RSRC1: variants seen among roughly 807,000 people sequenced by gnomAD.
RSRC1 encodes arginine and serine rich coiled-coil 1.
RSRC1 carries 39 observed loss-of-function variants against 49.1 expected under a neutral mutation model. The ratio of observed to expected loss-of-function variants is 0.79; its 90% CI spans 0.61 to 1.04. The LOEUF (loss-of-function observed/expected upper bound fraction) is 1.04. Among genes scored for constraint, RSRC1 ranks in the 50% least tolerant of loss-of-function variants. The pLI is 0.00. For synonymous variants in RSRC1, 143 were observed against 130.8 expected, an observed-to-expected ratio of 1.09 and a Z score of -0.63; for missense variants, 388 against 402.4, an observed-to-expected ratio of 0.96 and a Z score of 0.31.
intron 6 of RSRC1, among the ~76,000 whole-genome samples, chr3:158,356,171 G>A (rs984411814): frequency 1.3e-5 from 2 of 151,892 alleles, no homozygotes; most frequent in African/African-American, 4.8e-5. Flanking sequence ...GGGGACTACT[G>A]TATATATTTC....
intron 6 of RSRC1, among the ~76,000 whole-genome samples, chr3:158,448,081 A>G (rs1212240304): frequency 6.6e-6 from 1 of 151,918 alleles, no homozygotes; most frequent in Non-Finnish European, 1.5e-5. Context: ...TTTTTCTAAA[A>G]TGCTGAAACA....
intron 6 of RSRC1, among the ~76,000 whole-genome samples, chr3:158,391,017 C>T (rs550432580): frequency 1.1e-4 from 16 of 152,090 alleles, no homozygotes; most frequent in South Asian, 4.1e-4. Flanking sequence ...ATAACAGTTG[C>T]GTATCTGCTT....
chr3:158,367,073 A>G (rs951687972), intron 6 of RSRC1, among the ~76,000 whole-genome samples: 9 of 152,280 alleles, frequency 5.9e-5, no homozygotes, highest in Admixed American at 4.6e-4. Flanking sequence ...TATATATACA[A>G]TCATGTCATC....
intron 5 of RSRC1, among the ~76,000 whole-genome samples, chr3:158,318,162 A>G (rs1728572605): frequency 6.6e-6 from 1 of 152,116 alleles, no homozygotes; most frequent in Non-Finnish European, 1.5e-5. Flanking sequence ...CAAAAAATTG[A>G]CAACCCCTGC....
chr3:158,127,333 A>G (rs998103517), intron 3 of RSRC1, among the ~76,000 whole-genome samples: 2 of 152,018 alleles, frequency 1.3e-5, no homozygotes, highest in African/African-American at 2.4e-5. Flanking sequence ...ATGATGTCTT[A>G]TAGTCCCTTA....
chr3:158,163,913 GA>G (rs555728083), intron 3 of RSRC1, among the ~76,000 whole-genome samples: 54 of 152,146 alleles, frequency 3.5e-4, no homozygotes, highest in Non-Finnish European at 6.2e-4. Context: ...ATGAATGAAT[GA>G]ATGTTGCTAT....
intron 4 of RSRC1, among the ~76,000 whole-genome samples, chr3:158,236,490 G>A (rs1346217350): frequency 1.3e-5 from 2 of 152,282 alleles, no homozygotes; most frequent in East Asian, 1.9e-4. Context: ...CCAGCATCCA[G>A]AAGCAACAAC....
At chr3:158,303,261 T>C (rs73031638) in intron 5 of RSRC1, 2 of 152,330 alleles carry the variant, frequency 1.3e-5, no homozygotes, top group African/African-American at 2.4e-5. Flanking sequence ...GAAAAATTAC[T>C]TTTTTAGGTC....
chr3:158,180,961 C>T (rs555138087), intron 3 of RSRC1, among the ~76,000 whole-genome samples: 41 of 151,924 alleles, frequency 2.7e-4, no homozygotes, highest in Non-Finnish European at 3.4e-4. Flanking sequence ...CCCACCACCA[C>T]GCCCGGCTAA....
intron 3 of RSRC1, among the ~76,000 whole-genome samples, chr3:158,151,801 A>T (rs1481150916): frequency 2.0e-5 from 3 of 152,000 alleles, no homozygotes; most frequent in Non-Finnish European, 4.4e-5. Flanking sequence ...TAAATACTGT[A>T]CAGTAAATAC....
At chr3:158,349,496 A>G (rs1205889675) in intron 5 of RSRC1, among the ~76,000 whole-genome samples, 2 of 152,050 alleles carry the variant, frequency 1.3e-5, no homozygotes, top group East Asian at 3.9e-4. Flanking sequence ...TGCTCCCACC[A>G]AATAATTATT....
Position 158,544,210 on chromosome 3 carries a change from G to A in RSRC1, c.940G>A (p.Glu314Lys). The change falls in exon 10 of 10, where the codon GAA becomes AAA. Residue 314 changes from glutamate (E) to lysine (K), a missense_variant. Glu to Lys is a moderately conservative substitution (Grantham distance 56). Transcript: ENST00000611884. ...NLFIEKADAE[E>K]KWFKRLIALR... ...ATTTATCGAGAAAGCTGATGCTGAGGAAAAATGGTTCAAGAGATTAATTGC... is the reference window on the plus strand; with the variant it reads ...ATTTATCGAGAAAGCTGATGCTGAGAAAAAATGGTTCAAGAGATTAATTGC... 1.9e-6 allele frequency: 3 copies of A among 1,612,430 alleles called. No homozygotes were observed. The highest frequency in any genetic ancestry group is 2.5e-6 in the Non-Finnish European group (3 of 1,179,332).
intron 5 of RSRC1, among the ~76,000 whole-genome samples, chr3:158,302,041 G>T (rs1448134405): frequency 1.5e-5 from 2 of 134,842 alleles, no homozygotes; most frequent in Admixed American, 7.6e-5. Flanking sequence ...TGTGGTGTGT[G>T]TATTCTTTTG....
chr3:158,364,950 A>G (rs1731681225), intron 6 of RSRC1, among the ~76,000 whole-genome samples: 1 of 151,786 alleles, frequency 6.6e-6, no homozygotes, highest in Non-Finnish European at 1.5e-5. Context: ...AGATTTATAA[A>G]TAATTTAATA....
chr3:158,145,565 T>G (rs1329646271), intron 3 of RSRC1, among the ~76,000 whole-genome samples: 5 of 152,216 alleles, frequency 3.3e-5, no homozygotes, highest in Non-Finnish European at 7.3e-5. Context: ...TCAGGTAGCA[T>G]GATGCCTCCA....
chr3:158,128,488 A>G (rs551078729), intron 3 of RSRC1, among the ~76,000 whole-genome samples: 1 of 152,158 alleles, frequency 6.6e-6, no homozygotes, highest in African/African-American at 2.4e-5. Context: ...ATCATTCTCA[A>G]GTTAACTTTT....
chr3:158,182,764 T>A (rs1454550289), intron 3 of RSRC1, among the ~76,000 whole-genome samples: 1 of 152,198 alleles, frequency 6.6e-6, no homozygotes, highest in Non-Finnish European at 1.5e-5. Context: ...TTTTAAATAC[T>A]ATTCTTCTCT....
intron 7 of RSRC1, among the ~76,000 whole-genome samples, chr3:158,495,610 A>G (rs1451316877): frequency 2.0e-5 from 3 of 152,188 alleles, no homozygotes; most frequent in Non-Finnish European, 4.4e-5. Context: ...TTTATGCAAC[A>G]TTTAGTTTCT....
chr3:158,299,165 T>C (rs1578306359), intron 5 of RSRC1, among the ~76,000 whole-genome samples: 1 of 152,254 alleles, frequency 6.6e-6, no homozygotes, highest in East Asian at 1.9e-4. Context: ...CCTGAACCAC[T>C]GTTTATAACT....
Sources: allele counts gnomAD v4.1 joint callset (sites outside exome capture counted in the v4.1 genomes callset), GRCh38; gene constraint gnomAD v4.1.1; transcripts MANE v1.5; gene names NCBI Gene and HGNC (gene_info 2026-07-23, HGNC 2026-07-21).